The following LDB2 variants were observed in gnomAD, a reference collection of about 807,000 sequenced individuals.
LDB2 encodes the protein LIM domain binding 2.
Under a neutral mutation model 44.3 loss-of-function variants are expected in LDB2, and 12 were observed. That is an observed-to-expected ratio of 0.27 (90% confidence interval 0.17 to 0.44). The LOEUF (loss-of-function observed/expected upper bound fraction) is 0.44. Ranked by LOEUF, LDB2 falls within the 20% of genes least tolerant of loss-of-function variation. The pLI, the probability that LDB2 is intolerant of heterozygous loss-of-function variation, is 1.00. For synonymous variants in LDB2, 164 were observed against 174.8 expected (o/e 0.94, Z 0.49); for missense variants, 344 against 473.5 (o/e 0.73, Z 2.54).
intron 1 of LDB2, among the ~76,000 whole-genome samples, chr4:16,813,649 G>A (rs1293246843): frequency 6.6e-6 from 1 of 152,106 alleles, no homozygotes; most frequent in East Asian, 1.9e-4. Context: ...ACTGTCTGGT[G>A]AGGTAGAGAA....
chr4:16,723,763 T>C (rs1225870771), intron 2 of LDB2, among the ~76,000 whole-genome samples: 1 of 152,070 alleles, frequency 6.6e-6, no homozygotes, highest in Non-Finnish European at 1.5e-5. Context: ...GTCCTTCAGA[T>C]CCACATGACT....
chr4:16,602,117 T>TA (rs1722728697), intron 2 of LDB2, among the ~76,000 whole-genome samples: 1 of 152,202 alleles, frequency 6.6e-6, no homozygotes, highest in Non-Finnish European at 1.5e-5. Context: ...ACCTGTCTTG[T>TA]GATTTCAAAG....
At chr4:16,623,799 A>G (rs1013845742) in intron 2 of LDB2, among the ~76,000 whole-genome samples, 27 of 152,018 alleles carry the variant, frequency 1.8e-4, no homozygotes, top group African/African-American at 6.0e-4. Flanking sequence ...TTTTATTTAT[A>G]TATTTAAAGA....
intron 5 of LDB2, among the ~76,000 whole-genome samples, chr4:16,538,302 G>T (rs192541532): frequency 1.3e-5 from 2 of 152,218 alleles, no homozygotes; most frequent in African/African-American, 4.8e-5. Context: ...TGAGTGTGGT[G>T]TGTGACCTGT....
intron 1 of LDB2, among the ~76,000 whole-genome samples, chr4:16,789,649 G>C (rs557463670): frequency 2.9e-4 from 44 of 152,252 alleles, no homozygotes; most frequent in African/African-American, 9.9e-4. Flanking sequence ...ACCCTATATG[G>C]CCAGGTGCAG....
chr4:16,710,344 T>C (rs1270303494), intron 2 of LDB2, among the ~76,000 whole-genome samples: 1 of 152,170 alleles, frequency 6.6e-6, no homozygotes, highest in East Asian at 1.9e-4. Context: ...AAAAATGCCT[T>C]GTTTGACAGT....
intron 5 of LDB2, among the ~76,000 whole-genome samples, chr4:16,571,966 T>C (rs1484522108): frequency 6.6e-6 from 1 of 152,194 alleles, no homozygotes; most frequent in Non-Finnish European, 1.5e-5. Flanking sequence ...GGACAGACGA[T>C]GAGGCCATAG....
At chr4:16,550,471 A>G (rs1196404327) in intron 5 of LDB2, among the ~76,000 whole-genome samples, 1 of 152,214 alleles carries the variant, frequency 6.6e-6, no homozygotes, top group East Asian at 1.9e-4. Flanking sequence ...TGGAGAGTAT[A>G]TTTCCTGTGT....
intron 1 of LDB2, among the ~76,000 whole-genome samples, chr4:16,852,032 A>G (rs2110191931): frequency 6.6e-6 from 1 of 152,344 alleles, no homozygotes; most frequent in Middle Eastern, 3.4e-3. Context: ...CTGAAATCAC[A>G]GGCAGTTGGG....
chr4:16,653,287 C>A (rs1221343963), intron 2 of LDB2, among the ~76,000 whole-genome samples: 2 of 152,110 alleles, frequency 1.3e-5, no homozygotes, highest in Admixed American at 6.5e-5. Flanking sequence ...TTCTCCCCAC[C>A]GCCAGCCCTG....
chr4:16,863,784 CCG>C (rs1297759927), intron 1 of LDB2, among the ~76,000 whole-genome samples: 2 of 151,426 alleles, frequency 1.3e-5, no homozygotes, highest in Non-Finnish European at 2.9e-5. Flanking sequence ...CCTCAGCCTT[CCG>C]AGTAGCTGCG....
At chr4:16,860,876 G>A (rs1044824828) in intron 1 of LDB2, among the ~76,000 whole-genome samples, 1 of 151,950 alleles carries the variant, frequency 6.6e-6, no homozygotes, top group Non-Finnish European at 1.5e-5. Flanking sequence ...AATCTGCTTA[G>A]TGAAAAAACT....
intron 1 of LDB2, among the ~76,000 whole-genome samples, chr4:16,847,516 C>T (rs1376475285): frequency 6.6e-6 from 1 of 152,234 alleles, no homozygotes; most frequent in Non-Finnish European, 1.5e-5. Context: ...GTTAGAAACA[C>T]CTAAACCTCT....
intron 1 of LDB2, among the ~76,000 whole-genome samples, chr4:16,779,196 CACT>C (rs112040831): frequency 0.022 from 3,278 of 152,258 alleles, 119 homozygotes; most frequent in African/African-American, 0.075. Flanking sequence ...GTGCCACCAC[CACT>C]GGCAGGACGC....
At chr4:16,519,787 A>T (rs1420363044) in intron 5 of LDB2, among the ~76,000 whole-genome samples, 1 of 151,836 alleles carries the variant, frequency 6.6e-6, no homozygotes, top group Admixed American at 6.6e-5. Context: ...CTTATCTCTG[A>T]CAGTTTGAAA....
At chr4:16,702,570 G>T (rs1416738386) in intron 2 of LDB2, among the ~76,000 whole-genome samples, 3 of 152,294 alleles carry the variant, frequency 2.0e-5, no homozygotes, top group East Asian at 3.9e-4. Flanking sequence ...GGCTTTGATG[G>T]ACTTTATTTT....
chr4:16,728,390 G>C (rs1759996398), intron 2 of LDB2, among the ~76,000 whole-genome samples: 2 of 151,926 alleles, frequency 1.3e-5, no homozygotes, highest in African/African-American at 2.4e-5. Flanking sequence ...AGAGAGATGA[G>C]ATAGCTAGAT....
intron 2 of LDB2, among the ~76,000 whole-genome samples, chr4:16,705,906 A>T (rs955881086): frequency 2.0e-5 from 3 of 152,224 alleles, no homozygotes; most frequent in Non-Finnish European, 2.9e-5. Context: ...CTTAAGAATG[A>T]TATCCACAAA....
At chr4:16,829,807 A>C (rs1055159764) in intron 1 of LDB2, among the ~76,000 whole-genome samples, 3 of 152,080 alleles carry the variant, frequency 2.0e-5, no homozygotes, top group Non-Finnish European at 2.9e-5. Flanking sequence ...GTATCCTCTC[A>C]CTCGAAAAAC....
Sources: gnomAD v4.1 joint callset for allele counts (sites outside exome capture counted in the v4.1 genomes callset) on GRCh38, gnomAD v4.1.1 for gene constraint, MANE v1.5 for transcripts, NCBI Gene and HGNC (gene_info 2026-07-23, HGNC 2026-07-21) for gene names.